The following SEC14L5 variants were observed in gnomAD, a reference collection of about 807,000 sequenced individuals.
SEC14L5 encodes SEC14-like protein 5.
A neutral mutation model predicts 84.6 loss-of-function variants in SEC14L5; 96 were observed. The observed-to-expected ratio is 1.13, with a 90% CI of 0.96 to 1.34. SEC14L5 has a LOEUF of 1.34. Among genes scored for constraint, SEC14L5 ranks in the 40% most tolerant of loss-of-function variants. SEC14L5 has a pLI of 0.00. For synonymous variants in SEC14L5, 546 were observed against 383.4 expected (o/e 1.42, Z -4.95); for missense variants, 1,224 against 942.5 (o/e 1.30, Z -3.91).
intron 2 of SEC14L5, among the ~76,000 whole-genome samples, chr16:4,959,948 C>T (rs1463576716): frequency 6.6e-6 from 1 of 152,194 alleles, no homozygotes; most frequent in East Asian, 1.9e-4. Context: ...CCACAGAGCC[C>T]TCCTTCTGCT....
In SEC14L5 at chr16:5,003,372, C is replaced by T. The variant is rs747453776; in HGVS notation, c.1131-30C>T. On this transcript the variant is annotated intron_variant, in intron 10 of 15. Coordinates refer to ENST00000251170, the MANE Select transcript of SEC14L5 (RefSeq NM_014692.2). ...TGGTGGCCTTGGGAGGCAGCAGAGC[C>T]AGGTGGAGCTGGGGCTATTTCTGCC... 1.0e-5 allele frequency: 16 copies of T among 1,595,542 alleles called. No individual in the cohort carries two copies. The East Asian group carries it at 3.1e-4, about 31-fold the overall frequency.
chr16:4,996,951 A>G lies in SEC14L5; in HGVS notation c.877A>G (p.Lys293Glu), dbSNP rs1339294504. 6.2e-7 allele frequency: 1 copy of G among 1,613,474 alleles called. No homozygotes were observed. Among genetic ancestry groups the G allele is most frequent in the East Asian group, 2.2e-5 (1 of 44,874 alleles). Residue 293 changes from lysine to glutamate, a missense_variant, in exon 8 of 16, where the codon AAG becomes GAG. Physicochemically the swap from Lys to Glu is moderately conservative, Grantham distance 56. Coordinates refer to ENST00000251170, the MANE Select transcript of SEC14L5 (RefSeq NM_014692.2). ...GCTGCGCCAGTCCTTGAGCTGGCGC[A>G]AGCAGCACCAGGTGGATCTCCTCCT... is the stretch of plus-strand genomic sequence containing the variant. ...EMLRQSLSWR[K>E]QHQVDLLLQT...
At chr16:4,994,464 C>T (rs1039313701) in intron 6 of SEC14L5, among the ~76,000 whole-genome samples, 6 of 152,158 alleles carry the variant, frequency 3.9e-5, no homozygotes, top group African/African-American at 1.4e-4. Flanking sequence ...CTGCCTCAGC[C>T]TCCCAAGGAG....
At chr16:4,989,677 C>G (rs1234389659) in intron 4 of SEC14L5, among the ~76,000 whole-genome samples, 1 of 152,208 alleles carries the variant, frequency 6.6e-6, no homozygotes, top group East Asian at 1.9e-4. Flanking sequence ...GCCTCCAACT[C>G]CTCTTGGGTC....
At chr16:5,010,978 CAGAGGGAGA>C in intron 14 of SEC14L5, 108 bp from the exon 15 acceptor site, 1 of 963,652 alleles carries the variant, frequency 1.0e-6, no homozygotes, top group Admixed American at 2.6e-5. Context: ...GAGAAAGGGA[CAGAGGGAGA>C]AGAGCCCCAA....
chr16:4,963,584 G>A (rs1955156239), intron 2 of SEC14L5, among the ~76,000 whole-genome samples: 1 of 152,230 alleles, frequency 6.6e-6, no homozygotes, highest in Non-Finnish European at 1.5e-5. Flanking sequence ...GACCTCAAGT[G>A]TTCCGCCCGC....
chr16:4,996,998 C>T lies in SEC14L5; in HGVS notation c.924C>T (p.Ala308=), dbSNP rs1355108430. The change falls in exon 8 of 16, where the codon GCC becomes GCT. Residue 308 remains alanine (A), a synonymous_variant. Coordinates refer to ENST00000251170, the MANE Select transcript of SEC14L5 (RefSeq NM_014692.2). ...TCCTTCAGACCTGGCAACCCCCTGC[C>T]CTGCTGGAGGAGTTCTATGCAGGGG... ...DLLLQTWQPP[A]LLEEFYAGGW... The T allele has an allele frequency of 6.2e-7, 1 of 1,613,280 alleles. No homozygotes were observed. The highest frequency in any genetic ancestry group is 1.1e-5 in the South Asian group (1 of 90,926).
intron 8 of SEC14L5, among the ~76,000 whole-genome samples, 165 bp downstream of exon 8, chr16:4,997,209 C>T (rs1006656534): frequency 3.3e-5 from 5 of 152,200 alleles, no homozygotes; most frequent in Non-Finnish European, 7.3e-5. Flanking sequence ...AGCAATTCTC[C>T]TGCCTCAGCC....
chr16:5,003,624 G>GGGGA, intron 11 of SEC14L5, 51 bp downstream of exon 11: 4 of 305,308 alleles, frequency 1.3e-5, no homozygotes, highest in Non-Finnish European at 6.5e-6. Flanking sequence ...GGTGGGATGG[G>GGGGA]AGGGGTTCCG....
intron 2 of SEC14L5, among the ~76,000 whole-genome samples, chr16:4,960,296 A>G (rs981671627): frequency 6.6e-6 from 1 of 152,188 alleles, no homozygotes; most frequent in African/African-American, 2.4e-5. Context: ...GGCACACAGT[A>G]GGAGCTCACA....
intron 14 of SEC14L5, among the ~76,000 whole-genome samples, chr16:5,008,983 C>A (rs527905660): frequency 5.3e-5 from 8 of 152,188 alleles, no homozygotes; most frequent in Non-Finnish European, 1.0e-4. Flanking sequence ...CTTGGGGCTG[C>A]AGTAATGAGT....
chr16:5,007,136 C>T (rs1002868614), intron 12 of SEC14L5, among the ~76,000 whole-genome samples: 1 of 152,146 alleles, frequency 6.6e-6, no homozygotes, highest in Non-Finnish European at 1.5e-5. Flanking sequence ...CTGACTTGCC[C>T]GAGCCTCCAT....
intron 2 of SEC14L5, among the ~76,000 whole-genome samples, chr16:4,977,560 T>C (rs1029787968): frequency 2.6e-5 from 4 of 151,776 alleles, no homozygotes; most frequent in African/African-American, 9.7e-5. Flanking sequence ...CATGCCAGGC[T>C]GTCATCTGGA....
intron 13 of SEC14L5, 108 bp from the exon 14 acceptor site, chr16:5,008,313 G>C: frequency 1.3e-6 from 1 of 754,280 alleles, no homozygotes; most frequent in South Asian, 1.6e-5. Flanking sequence ...GCGTGTGCCT[G>C]GGAAAGGAGA....
chr16:4,959,347 T>C lies in SEC14L5; in HGVS notation c.24T>C (p.Pro8=). MVQRYQS[P]VRVYKYPFEL... ...ACATGGTGCAAAGATACCAGTCTCC[T>C]GTCCGAGTCTACAAGTACCCGTTTG... The change falls in exon 2 of 16, where the codon CCT becomes CCC. Residue 8 remains proline, a synonymous_variant. Coordinates refer to ENST00000251170, the MANE Select transcript of SEC14L5 (RefSeq NM_014692.2). The C allele has an allele frequency of 1.9e-6, 3 of 1,613,854 alleles. No individual in the cohort carries two copies. Among genetic ancestry groups the C allele is most frequent in the Non-Finnish European group, 2.5e-6 (3 of 1,179,768 alleles).
At chr16:4,968,873 A>G (rs531650355) in intron 2 of SEC14L5, among the ~76,000 whole-genome samples, 4 of 152,238 alleles carry the variant, frequency 2.6e-5, no homozygotes, top group Non-Finnish European at 5.9e-5. Context: ...ACATGTTAAA[A>G]TATTTAAAGA....
intron 11 of SEC14L5, among the ~76,000 whole-genome samples, 157 bp from the exon 12 acceptor site, chr16:5,005,757 G>C (rs988974876): frequency 6.6e-6 from 1 of 151,314 alleles, no homozygotes; most frequent in Non-Finnish European, 1.5e-5. Flanking sequence ...CCAGCTACTC[G>C]GGAGGCTGAG....
chr16:4,981,599 C>T (rs1188318404), intron 2 of SEC14L5, among the ~76,000 whole-genome samples: 1 of 152,070 alleles, frequency 6.6e-6, no homozygotes, highest in Non-Finnish European at 1.5e-5. Flanking sequence ...GGGGACAGTG[C>T]CTGGCTCTGT....
At chr16:4,962,662 T>C (rs1040563935) in intron 2 of SEC14L5, among the ~76,000 whole-genome samples, 3 of 108,932 alleles carry the variant, frequency 2.8e-5, no homozygotes, top group African/African-American at 1.0e-4. Flanking sequence ...CACTCCAGCC[T>C]GGGGGAAGAG....
Sources: allele counts gnomAD v4.1 joint callset (sites outside exome capture counted in the v4.1 genomes callset), GRCh38; gene constraint gnomAD v4.1.1; transcripts MANE v1.5; gene names NCBI Gene and HGNC (gene_info 2026-07-23, HGNC 2026-07-21).